The following PPFIA3 variants were observed in gnomAD, a reference collection of about 807,000 sequenced individuals.
PPFIA3 encodes PPFI scaffold protein A3, also known as liprin-alpha-3.
PPFIA3 carries 26 observed loss-of-function variants against 145.8 expected under a neutral mutation model. The ratio of observed to expected loss-of-function variants is 0.18; its 90% CI spans 0.13 to 0.25. The LOEUF (loss-of-function observed/expected upper bound fraction) is 0.25. Ranked by LOEUF, PPFIA3 falls within the 10% of genes least tolerant of loss-of-function variation. PPFIA3 has a pLI of 1.00. For synonymous variants in PPFIA3, 645 were observed against 661.4 expected, an observed-to-expected ratio of 0.98 and a Z score of 0.38; for missense variants, 1,008 against 1,587.8, an observed-to-expected ratio of 0.63 and a Z score of 6.21.
chr19:49,124,914 ATAAT>A (rs1271431167), intron 1 of PPFIA3, among the ~76,000 whole-genome samples: 1 of 152,122 alleles, frequency 6.6e-6, no homozygotes, highest in African/African-American at 2.4e-5. Flanking sequence ...CATACAAAAA[ATAAT>A]TAGCCGGGCG....
chr19:49,121,267 G>A (rs1408156347), intron 1 of PPFIA3, among the ~76,000 whole-genome samples: 1 of 152,180 alleles, frequency 6.6e-6, no homozygotes, highest in African/African-American at 2.4e-5. Flanking sequence ...GGCTCATAAG[G>A]AGATCTAGAA....
intron 19 of PPFIA3, 73 bp from the exon 20 acceptor site, chr19:49,141,961 T>G (rs2041229638): frequency 8.4e-7 from 1 of 1,189,520 alleles, no homozygotes; most frequent in Admixed American, 2.2e-5. Flanking sequence ...GTATGTGTGC[T>G]GATGGGGGCC....
intron 21 of PPFIA3, chr19:49,145,649 T>C (rs981717819): frequency 2.3e-6 from 1 of 443,836 alleles, no homozygotes; most frequent in Admixed American, 3.7e-5. Context: ...TTCTGAATCC[T>C]CATTCTGTAC....
chr19:49,142,237 G>C, intron 20 of PPFIA3, 122 bp downstream of exon 20: 6 of 901,182 alleles, frequency 6.7e-6, no homozygotes, highest in Non-Finnish European at 1.0e-5. Context: ...GGTGGCCATG[G>C]GCCTGGCAGG....
At position 49,130,442 on chromosome 19, in the gene PPFIA3, C is replaced by T. The variant is rs1600330097; in HGVS notation, c.722C>T (p.Ala241Val). The stretch of plus-strand genomic sequence containing the variant: ...CGGCGCACAGCAGAGCTGGAGGAGG[C>T]CCTGGAGCGGCAGCGCGCCGAGGTG... ...SNRRTAELEE[A>V]LERQRAEVCQ... Residue 241 changes from alanine to valine, a missense_variant, in exon 7 of 30, where the codon GCC becomes GTC. Physicochemically the swap from Ala to Val is moderately conservative, Grantham distance 64. Around this residue, in one of 11 missense-constraint regions of PPFIA3, gnomAD observed 136 missense variants for 160.7 expected, o/e 0.85. Transcript: ENST00000334186. The surrounding 1 kb of genome is among the most constrained non-coding windows in gnomAD (Gnocchi z 4.5). 6.2e-7 allele frequency: 1 copy of T among 1,610,418 alleles called. No individual in the cohort carries two copies. Among genetic ancestry groups the T allele is most frequent in the Non-Finnish European group, 8.5e-7 (1 of 1,178,852 alleles).
Position 49,149,074 on chromosome 19 carries a change from A to G in PPFIA3, c.3191A>G (p.Glu1064Gly). ...GLKEFATNLT[E>G]SGVHGALLAL... ...AAGGAATTTGCCACGAACCTCACGGAGAGCGGGGTACACGGGGCACTGCTC... is the reference window on the plus strand; with the variant it reads ...AAGGAATTTGCCACGAACCTCACGGGGAGCGGGGTACACGGGGCACTGCTC... The change falls in exon 26 of 30, where the codon GAG becomes GGG. Residue 1064 changes from glutamate (E) to glycine (G), a missense_variant. Physicochemically the swap from Glu to Gly is moderately conservative, Grantham distance 98. This residue lies in a region of PPFIA3 where 154 missense variants were observed against 369.2 expected (regional missense o/e 0.42). Transcript: ENST00000334186. The surrounding 1 kb of genome is among the most constrained non-coding windows in gnomAD (Gnocchi z 5.7). 1 of 1,614,150 alleles carries G rather than the reference A, an allele frequency of 6.2e-7. No homozygotes were observed. The highest frequency in any genetic ancestry group is 8.5e-7 in the Non-Finnish European group (1 of 1,180,032).
intron 28 of PPFIA3, 48 bp from the exon 29 acceptor site, chr19:49,150,032 C>T (rs370905941): frequency 1.5e-5 from 24 of 1,569,488 alleles, no homozygotes; most frequent in Middle Eastern, 1.7e-4. Flanking sequence ...TGGAGAGGAA[C>T]AGGGAGGAGG....
Position 49,148,661 on chromosome 19 carries a change from C to T in PPFIA3, c.3012-5C>T, listed in dbSNP as rs989420767. ...ATCCGTGACTCCACTTCCCCTGCTG[C>T]TCAGGGTGAGTCTACATTATGGGAT... On this transcript the variant is annotated splice_region_variant and splice_polypyrimidine_tract_variant and intron_variant, in intron 24 of 29. Coordinates refer to ENST00000334186, the MANE Select transcript of PPFIA3 (RefSeq NM_003660.4). 5 of 1,608,218 alleles carry T rather than the reference C, an allele frequency of 3.1e-6. No homozygotes were observed. The highest frequency in any genetic ancestry group is 1.1e-5 in the South Asian group (1 of 90,878).
chr19:49,136,360 G>A (rs1033644784), intron 14 of PPFIA3, among the ~76,000 whole-genome samples: 2 of 152,314 alleles, frequency 1.3e-5, no homozygotes, highest in South Asian at 2.1e-4. Context: ...ACTTGCTGGC[G>A]CCGAGGCAGG....
chr19:49,149,388 G>A lies in PPFIA3; in HGVS notation c.3354+63G>A. 6.2e-7 allele frequency: 1 copy of A among 1,603,336 alleles called. No individual in the cohort carries two copies. The highest frequency in any genetic ancestry group is 8.5e-7 in the Non-Finnish European group (1 of 1,170,900). On this transcript the variant is annotated intron_variant, in intron 27 of 29. Coordinates refer to ENST00000334186, the MANE Select transcript of PPFIA3 (RefSeq NM_003660.4). This position sits in a 1 kb window ranked among gnomAD's most constrained non-coding sequence, Gnocchi z 5.7. Reference sequence around the variant, plus strand: ...CGGCTCCTCGAGAGGCTGAGCTGAGGGGGCGGGGCCTGACTATTAATGGTC... The same window carrying A: ...CGGCTCCTCGAGAGGCTGAGCTGAGAGGGCGGGGCCTGACTATTAATGGTC...
Position 49,141,535 on chromosome 19 carries a change from C to T in PPFIA3, c.2462+22C>T, listed in dbSNP as rs368184566. On this transcript the variant is annotated intron_variant, in intron 19 of 29. Coordinates refer to ENST00000334186, the MANE Select transcript of PPFIA3 (RefSeq NM_003660.4). Reference sequence around the variant, plus strand: ...GGAAGTGAGTGTGTGTGAGTGTGAGCGTGTGTGTGTGTATGTGAATGTGAG... The same window carrying T: ...GGAAGTGAGTGTGTGTGAGTGTGAGTGTGTGTGTGTGTATGTGAATGTGAG... The T allele has an allele frequency of 2.5e-4, 389 of 1,576,108 alleles. 2 individuals carry two copies. In the African/African-American group the frequency reaches 4.3e-3, roughly 17 times the overall value.
intron 19 of PPFIA3, 127 bp from the exon 20 acceptor site, chr19:49,141,907 C>T (rs1191102544): frequency 5.5e-6 from 3 of 547,804 alleles, no homozygotes; most frequent in Non-Finnish European, 9.0e-6. Context: ...GTGTTTTGTA[C>T]ATTCATAAAA....
In PPFIA3 at chr19:49,139,742, C is replaced by T; in HGVS notation, c.2151C>T (p.Pro717=). The T allele has an allele frequency of 1.2e-6, 2 of 1,613,944 alleles. No homozygotes were observed. Among genetic ancestry groups the T allele is most frequent in the Non-Finnish European group, 1.7e-6 (2 of 1,179,870 alleles). ...GPAIPGDTPP[P]TPRSARLERM... ...CCATCCCAGGAGACACCCCACCACCCACTCCCCGCTCTGCCCGTCTTGAGA... is the reference window on the plus strand; with the variant it reads ...CCATCCCAGGAGACACCCCACCACCTACTCCCCGCTCTGCCCGTCTTGAGA... The change falls in exon 17 of 30, where the codon CCC becomes CCT. Residue 717 remains proline (P), a synonymous_variant. Transcript: ENST00000334186.
rs373834264 is a variant in PPFIA3, at chr19:49,149,225, C to T, written c.3286-32C>T. 2.7e-5 allele frequency: 44 copies of T among 1,613,968 alleles called. No homozygotes were observed. In the African/African-American group the frequency reaches 3.9e-4, roughly 14 times the overall value. ...GCGTCCCCACCTCGCAGACTGCACGCTCCAACCGCCCCCTCCACCTCCTCT... is the reference window on the plus strand; with the variant it reads ...GCGTCCCCACCTCGCAGACTGCACGTTCCAACCGCCCCCTCCACCTCCTCT... On this transcript the variant is annotated intron_variant, in intron 26 of 29. Coordinates refer to ENST00000334186, the MANE Select transcript of PPFIA3 (RefSeq NM_003660.4). The surrounding 1 kb of genome is among the most constrained non-coding windows in gnomAD (Gnocchi z 5.7).
chr19:49,149,386 A>C lies in PPFIA3; in HGVS notation c.3354+61A>C. ...AGCGGCTCCTCGAGAGGCTGAGCTGAGGGGGCGGGGCCTGACTATTAATGG... is the reference window on the plus strand; with the variant it reads ...AGCGGCTCCTCGAGAGGCTGAGCTGCGGGGGCGGGGCCTGACTATTAATGG... On this transcript the variant is annotated intron_variant, in intron 27 of 29. Coordinates refer to ENST00000334186, the MANE Select transcript of PPFIA3 (RefSeq NM_003660.4). This position sits in a 1 kb window ranked among gnomAD's most constrained non-coding sequence, Gnocchi z 5.7. 6.2e-7 allele frequency: 1 copy of C among 1,603,092 alleles called. No individual in the cohort carries two copies. The highest frequency in any genetic ancestry group is 8.5e-7 in the Non-Finnish European group (1 of 1,171,026).
intron 23 of PPFIA3, 117 bp downstream of exon 23, chr19:49,146,309 G>T (rs2041279959): frequency 2.3e-6 from 3 of 1,316,354 alleles, no homozygotes; most frequent in Non-Finnish European, 3.1e-6. Context: ...CCCATGGGGG[G>T]GCGCTGCGCC....
chr19:49,149,399 T>C lies in PPFIA3; in HGVS notation c.3354+74T>C. The stretch of plus-strand genomic sequence containing the variant: ...GAGGCTGAGCTGAGGGGGCGGGGCC[T>C]GACTATTAATGGTCACGGTTGGAGG... On this transcript the variant is annotated intron_variant, in intron 27 of 29. Coordinates refer to ENST00000334186, the MANE Select transcript of PPFIA3 (RefSeq NM_003660.4). The surrounding 1 kb of genome is among the most constrained non-coding windows in gnomAD (Gnocchi z 5.7). 1 of 1,592,398 alleles carries C rather than the reference T, an allele frequency of 6.3e-7. No homozygotes were observed.
intron 15 of PPFIA3, among the ~76,000 whole-genome samples, 155 bp from the exon 16 acceptor site, chr19:49,138,050 G>T (rs1320844335): frequency 6.6e-6 from 1 of 152,084 alleles, no homozygotes; most frequent in African/African-American, 2.4e-5. Flanking sequence ...AGCCTGGAAG[G>T]CCTTCAGAAA....
chr19:49,123,533 C>T (rs751787812), intron 1 of PPFIA3, among the ~76,000 whole-genome samples: 1 of 151,926 alleles, frequency 6.6e-6, no homozygotes, highest in Non-Finnish European at 1.5e-5. Flanking sequence ...CTCCGCCTCC[C>T]GTGTTCAAGC....
Sources: gnomAD v4.1 joint callset for allele counts (sites outside exome capture counted in the v4.1 genomes callset) on GRCh38, gnomAD v4.1.1 for gene constraint, gnomAD v4.1.1 regional missense constraint, Gnocchi (gnomAD v3.1) non-coding constraint, MANE v1.5 for transcripts, NCBI Gene and HGNC (gene_info 2026-07-23, HGNC 2026-07-21) for gene names.